GNL2: variants seen among roughly 807,000 people sequenced by gnomAD.
GNL2 encodes G protein nucleolar 2.
A neutral mutation model predicts 92.3 loss-of-function variants in GNL2; 51 were observed. The ratio of observed to expected loss-of-function variants is 0.55; its 90% CI spans 0.44 to 0.70. The LOEUF (loss-of-function observed/expected upper bound fraction) is 0.70. Ranked by LOEUF, GNL2 falls within the 30% of genes least tolerant of loss-of-function variation. GNL2 has a pLI of 0.00. For synonymous variants in GNL2, 283 were observed against 300.6 expected, an observed-to-expected ratio of 0.94 and a Z score of 0.61; for missense variants, 844 against 895.6, an observed-to-expected ratio of 0.94 and a Z score of 0.74.
At chr1:37,573,935 C>A (rs1448898606) in intron 12 of GNL2, among the ~76,000 whole-genome samples, 1 of 152,156 alleles carries the variant, frequency 6.6e-6, no homozygotes, top group Non-Finnish European at 1.5e-5. Context: ...CCCTCTATTG[C>A]CCAGGCTAGA....
chr1:37,569,244 TC>T lies in GNL2; in HGVS notation c.1474del (p.Glu492ArgfsTer120). 1 of 1,613,496 alleles carries T rather than the reference TC, an allele frequency of 6.2e-7. No homozygotes were observed. Among genetic ancestry groups the T allele is most frequent in the South Asian group, 1.1e-5 (1 of 91,076 alleles). ...VPEAAQNNPG[E>X]EVTETAGEGS... ...TTCACCTGCAGTTTCTGTGACTTCC[TC>T]CCCTGGATTGTTCTGGGCTGCTTCT... On this transcript the variant is annotated frameshift_variant, in exon 13 of 16. Coordinates refer to ENST00000373062, the MANE Select transcript of GNL2 (RefSeq NM_013285.3). LOFTEE classifies it high-confidence loss of function.
chr1:37,582,967 C>G, intron 6 of GNL2, 31 bp from the exon 7 acceptor site: 1 of 1,530,948 alleles, frequency 6.5e-7, no homozygotes, highest in South Asian at 1.2e-5. Context: ...AAATGGTTTG[C>G]TACAGTACAA....
In GNL2 at chr1:37,569,020, C is replaced by G; in HGVS notation, c.1699G>C (p.Glu567Gln). ...EELESFSDEE[E>Q]EEQEQQRDDA... ...TCTCTTTGTTGCTCCTGTTCCTCCT[C>G]CTCTTCATCAGAAAAGCTCTCAAGC... Residue 567 changes from glutamate (E) to glutamine (Q), a missense_variant, in exon 13 of 16, where the codon GAG becomes CAG. Glu to Gln is a conservative substitution (Grantham distance 29). Transcript: ENST00000373062. The G allele has an allele frequency of 6.2e-7, 1 of 1,614,140 alleles. No homozygotes were observed. The highest frequency in any genetic ancestry group is 8.5e-7 in the Non-Finnish European group (1 of 1,180,020).
rs757514911 is a variant in GNL2 at position 37,595,860 on chromosome 1, C to A, written c.-38G>T. The A allele has an allele frequency of 6.3e-7, 1 of 1,584,394 alleles. No individual in the cohort carries two copies. Among genetic ancestry groups the A allele is most frequent in the Admixed American group, 1.7e-5 (1 of 59,992 alleles). ...ACCGGGACCGGAGTGCGAGGTCCGGCTTACGTGGTGAAACAAACTTTTATG... is the reference window on the plus strand; with the variant it reads ...ACCGGGACCGGAGTGCGAGGTCCGGATTACGTGGTGAAACAAACTTTTATG... On this transcript the variant is annotated 5_prime_UTR_variant, in exon 1 of 16. Transcript: ENST00000373062.
chr1:37,593,807 C>T lies in GNL2; in HGVS notation c.104G>A (p.Arg35Gln), dbSNP rs200067085. Residue 35 changes from arginine (R) to glutamine (Q), a missense_variant, in exon 2 of 16, where the codon CGG becomes CAG. Transcript: ENST00000373062. ...QGAGGQNMRD[R>Q]ATIRRLNMYR... is the part of the protein sequence containing the mutation. ...CATATTCAGGCGCCGGATGGTGGCCCGGTCCCTCATGTTTTGGCCTCCTGC... is the reference window on the plus strand; with the variant it reads ...CATATTCAGGCGCCGGATGGTGGCCTGGTCCCTCATGTTTTGGCCTCCTGC... 3.3e-5 allele frequency: 54 copies of T among 1,614,000 alleles called. No individual in the cohort carries two copies. In the Middle Eastern group the frequency reaches 1.2e-3, roughly 35 times the overall value.
At chr1:37,571,367 A>C (rs921472302) in intron 12 of GNL2, among the ~76,000 whole-genome samples, 7 of 152,180 alleles carry the variant, frequency 4.6e-5, no homozygotes, top group African/African-American at 1.7e-4. Flanking sequence ...ATGCACCCCC[A>C]TTGTTCCTAT....
chr1:37,574,296 T>G, intron 12 of GNL2, 47 bp downstream of exon 12: 1 of 1,146,154 alleles, frequency 8.7e-7, no homozygotes, highest in African/African-American at 1.5e-5. Context: ...ACACCAAATC[T>G]AGGTCAGGAC....
intron 1 of GNL2, 140 bp downstream of exon 1, chr1:37,595,619 T>C (rs867084065): frequency 2.3e-5 from 17 of 734,416 alleles, no homozygotes; most frequent in Middle Eastern, 2.4e-4. Context: ...CTTTTTCCCT[T>C]TTCATCCCCA....
intron 8 of GNL2, 62 bp downstream of exon 8, chr1:37,582,161 A>G: frequency 8.8e-7 from 1 of 1,134,832 alleles, no homozygotes; most frequent in Non-Finnish European, 1.3e-6. Context: ...CCATGGCAAG[A>G]CAGATTCTTA....
rs1202549426 is a variant in GNL2, at chr1:37,567,740, C to T, written c.1976G>A (p.Arg659Gln). 1.1e-5 allele frequency: 18 copies of T among 1,613,538 alleles called. No individual in the cohort carries two copies. Among genetic ancestry groups the T allele is most frequent in the African/African-American group, 1.3e-5 (1 of 74,892 alleles). Residue 659 changes from arginine (R) to glutamine (Q), a missense_variant, in exon 15 of 16, where the codon CGG becomes CAG. Transcript: ENST00000373062. ...CTGTTCCTCTTCCCTTTGTGCCTTC[C>T]GCTTCTTTCCCTTTTTGGAAGGTGC... The part of the protein sequence containing the change: ...DRAPSKKGKK[R>Q]KAQREEEQEH...
intron 8 of GNL2, chr1:37,581,320 A>G (rs1431533514): frequency 2.2e-6 from 1 of 455,480 alleles, no homozygotes; most frequent in Admixed American, 2.4e-5. Flanking sequence ...AACTAAATAG[A>G]CAAATTCAAA....
chr1:37,568,054 C>A (rs1163032829), intron 14 of GNL2: 1 of 590,642 alleles, frequency 1.7e-6, no homozygotes, highest in Non-Finnish European at 3.0e-6. Context: ...ATAATGAACC[C>A]TTTCTAGGAA....
At chr1:37,568,706 G>A (rs3896133) in intron 13 of GNL2, 145 bp downstream of exon 13, 300,597 of 681,482 alleles carry the variant, frequency 0.44, 69,453 homozygotes, top group East Asian at 0.59. Context: ...ATAGCGAGAC[G>A]CCGTCTCAAA....
chr1:37,578,946 T>C (rs1643720918), intron 8 of GNL2, among the ~76,000 whole-genome samples: 1 of 152,066 alleles, frequency 6.6e-6, no homozygotes, highest in Non-Finnish European at 1.5e-5. Context: ...CAGTGAGCCA[T>C]GATCGCACCA....
Position 37,595,858 on chromosome 1 carries a change from G to T in GNL2, c.-36C>A, listed in dbSNP as rs778392329. The T allele has an allele frequency of 3.2e-6, 5 of 1,586,582 alleles. No homozygotes were observed. The Admixed American group carries it at 6.7e-5, about 21-fold the overall frequency. On this transcript the variant is annotated 5_prime_UTR_variant, in exon 1 of 16. Coordinates refer to ENST00000373062, the MANE Select transcript of GNL2 (RefSeq NM_013285.3). ...AGACCGGGACCGGAGTGCGAGGTCC[G>T]GCTTACGTGGTGAAACAAACTTTTA...
intron 3 of GNL2, among the ~76,000 whole-genome samples, chr1:37,591,652 CCCA>C (rs1643888577): frequency 6.6e-6 from 1 of 151,850 alleles, no homozygotes; most frequent in Non-Finnish European, 1.5e-5. Context: ...ATTACAGGTG[CCCA>C]CCACAACACC....
At chr1:37,571,049 C>T (rs1643586860) in intron 12 of GNL2, among the ~76,000 whole-genome samples, 1 of 152,146 alleles carries the variant, frequency 6.6e-6, no homozygotes, top group Admixed American at 6.5e-5. Context: ...TTTATACATA[C>T]ATTTTTCTAG....
At chr1:37,581,757 C>G (rs1242207372) in intron 8 of GNL2, among the ~76,000 whole-genome samples, 1 of 151,556 alleles carries the variant, frequency 6.6e-6, no homozygotes, top group African/African-American at 2.4e-5. Flanking sequence ...CTCCGCCTCC[C>G]AGGTTCAAGC....
rs1202482411 is a variant in GNL2, at chr1:37,575,280, T to C, written c.1143+315A>G. Among the ~76,000 whole-genome samples the C allele has an allele frequency of 6.6e-6, 1 of 152,202 alleles. No individual in the cohort carries two copies. Among genetic ancestry groups the C allele is most frequent in the East Asian group, 1.9e-4 (1 of 5,198 alleles). Reference sequence around the variant, plus strand: ...GAAACAAGTGAGGAAATGACTGGGTTCCAAAATGACTCAACCCATAAACCC... The same window carrying C: ...GAAACAAGTGAGGAAATGACTGGGTCCCAAAATGACTCAACCCATAAACCC... On this transcript the variant is annotated intron_variant, in intron 10 of 15. Transcript: ENST00000373062. The surrounding 1 kb of genome is among the most constrained non-coding windows in gnomAD (Gnocchi z 4.1).
Sources: allele counts gnomAD v4.1 joint callset (sites outside exome capture counted in the v4.1 genomes callset), GRCh38; gene constraint gnomAD v4.1.1; non-coding constraint Gnocchi (gnomAD v3.1); transcripts MANE v1.5; gene names NCBI Gene and HGNC (gene_info 2026-07-23, HGNC 2026-07-21).